The following RPL28 variants were observed in gnomAD, a reference collection of about 807,000 sequenced individuals.
RPL28 encodes the protein large ribosomal subunit protein eL28.
In RPL28, 4 loss-of-function variants were observed where a neutral mutation model predicts 12.5. That is an observed-to-expected ratio of 0.32 (90% confidence interval 0.16 to 0.73). RPL28 has a LOEUF of 0.73. Among genes scored for constraint, RPL28 ranks in the 30% least tolerant of loss-of-function variants. The pLI, the probability that RPL28 is intolerant of heterozygous loss-of-function variation, is 0.66. For synonymous variants in RPL28, 91 were observed against 72.5 expected (o/e 1.26, Z -1.30); for missense variants, 214 against 197.7 (o/e 1.08, Z -0.49).
rs764077313 is a variant in RPL28 at position 55,386,665 on chromosome 19, TGTC to T, written c.180_182del (p.Val63del). The T allele has an allele frequency of 3.7e-6, 6 of 1,613,932 alleles. No homozygotes were observed. The highest frequency in any genetic ancestry group is 2.2e-5 in the East Asian group (1 of 44,868). On this transcript the variant is annotated inframe_deletion, in exon 3 of 5. Coordinates refer to ENST00000344063, the MANE Select transcript of RPL28 (RefSeq NM_000991.5). The stretch of plus-strand genomic sequence containing the variant: ...TGGAGCCGGCAGCCGACGGCAAAGG[TGTC>T]GTGGTGGTCATTAAGCGGAGATCCG...
intron 4 of RPL28, chr19:55,402,852 C>G: frequency 1.8e-6 from 2 of 1,084,302 alleles, no homozygotes; most frequent in South Asian, 1.6e-5. Flanking sequence ...AATCCTCTCC[C>G]TCCCCATGGC....
rs1387721891 is a variant in RPL28, at chr19:55,386,419, A to G, written c.62A>G (p.Asn21Ser). 3.7e-6 allele frequency: 6 copies of G among 1,614,146 alleles called. No individual in the cohort carries two copies. The highest frequency in any genetic ancestry group is 2.2e-5 in the East Asian group (1 of 44,878). Residue 21 changes from asparagine to serine, a missense_variant, in exon 2 of 5, where the codon AAT becomes AGT. Physicochemically the swap from Asn to Ser is conservative, Grantham distance 46. Coordinates refer to ENST00000344063, the MANE Select transcript of RPL28 (RefSeq NM_000991.5). ...RNCSSFLIKR[N>S]KQTYSTEPNN... Reference sequence around the variant, plus strand: ...TGCTCCAGTTTCCTGATCAAGAGGAATAAGCAGACCTACAGCACTGTAAGT... The same window carrying G: ...TGCTCCAGTTTCCTGATCAAGAGGAGTAAGCAGACCTACAGCACTGTAAGT...
Position 55,388,932 on chromosome 19 carries a change from A to G in RPL28, c.*600A>G. The G allele has an allele frequency of 1.0e-6, 1 of 985,566 alleles. No homozygotes were observed. Among genetic ancestry groups the G allele is most frequent in the Non-Finnish European group, 1.2e-6 (1 of 830,032 alleles). 61.1% of individuals were successfully genotyped at this position (985,566 alleles called of 1,614,324 possible). ...GAGATGGCAGCCCCAGGGTACAGCC[A>G]GCAGGCATTGAGCAGCCTTAGCATT... On this transcript the variant is annotated 3_prime_UTR_variant, in exon 5 of 5. Transcript: ENST00000344063.
chr19:55,387,888 G>T (rs1164024685), intron 3 of RPL28, 42 bp from the exon 4 acceptor site: 1 of 1,526,800 alleles, frequency 6.5e-7, no homozygotes, highest in Non-Finnish European at 8.8e-7. Context: ...AAAGGTGCAG[G>T]TTAGGTGGAC....
At chr19:55,401,927 C>T (rs1023125537) in intron 4 of RPL28, among the ~76,000 whole-genome samples, 1 of 152,252 alleles carries the variant, frequency 6.6e-6, no homozygotes, top group African/African-American at 2.4e-5. Flanking sequence ...CTCCTGTCTC[C>T]CTCAGAGGCC....
intron 4 of RPL28, chr19:55,401,879 TC>T: frequency 9.1e-7 from 1 of 1,094,798 alleles, no homozygotes; most frequent in Non-Finnish European, 1.3e-6. Flanking sequence ...CAGCTGCAGA[TC>T]CAGGCCCCAC....
exon 5 of RPL28, chr19:55,403,144 G>C: frequency 1.3e-6 from 1 of 744,440 alleles, no homozygotes; most frequent in Non-Finnish European, 2.4e-6. Context: ...ACCCTTTCTG[G>C]TCTCCTGACA....
In RPL28 at chr19:55,386,391, A is replaced by C. The variant is rs752180156; in HGVS notation, c.34A>C (p.Asn12His). ...SAHLQWMVVRNCSSFLIKRNK... is the reference protein window; with the variant it reads ...SAHLQWMVVRHCSSFLIKRNK... The stretch of plus-strand genomic sequence containing the variant: ...GCATCTGCAATGGATGGTCGTGCGG[A>C]ACTGCTCCAGTTTCCTGATCAAGAG... Residue 12 changes from asparagine to histidine, a missense_variant, in exon 2 of 5, where the codon AAC becomes CAC. Coordinates refer to ENST00000344063, the MANE Select transcript of RPL28 (RefSeq NM_000991.5). The C allele has an allele frequency of 3.7e-6, 6 of 1,614,132 alleles. No homozygotes were observed. The South Asian group carries it at 5.5e-5, about 15-fold the overall frequency.
At chr19:55,398,561 T>C (rs542077381) in intron 4 of RPL28, among the ~76,000 whole-genome samples, 26 of 152,364 alleles carry the variant, frequency 1.7e-4, no homozygotes, top group African/African-American at 6.0e-4. Context: ...ACTAATGATG[T>C]TGAGTACCTT....
rs1361190267 is a variant in RPL28, at chr19:55,392,085, A to C, written c.*3753A>C. The C allele has an allele frequency of 4.0e-6, 4 of 1,001,642 alleles. No individual in the cohort carries two copies. Among genetic ancestry groups the C allele is most frequent in the Non-Finnish European group, 4.8e-6 (4 of 840,850 alleles). The allele number at this position is 1,001,642 out of a possible 1,614,324, so 62.0% of individuals were successfully genotyped here. On this transcript the variant is annotated 3_prime_UTR_variant, in exon 5 of 5. Coordinates refer to ENST00000344063, the MANE Select transcript of RPL28 (RefSeq NM_000991.5). ...CTAGAATAAAATCATCTACTTTAAAATCTTTCATTATGAAATATGCATGTG... is the reference window on the plus strand; with the variant it reads ...CTAGAATAAAATCATCTACTTTAAACTCTTTCATTATGAAATATGCATGTG...
downstream of RPL28, among the ~76,000 whole-genome samples, chr19:55,396,797 T>A (rs113897145): frequency 1.1e-3 from 159 of 149,982 alleles, no homozygotes; most frequent in African/African-American, 3.5e-3. Context: ...AGCCAGGATG[T>A]TCTCGATCTC....
chr19:55,392,743 A>G (rs2089999497), downstream of RPL28, among the ~76,000 whole-genome samples: 1 of 151,428 alleles, frequency 6.6e-6, no homozygotes, highest in East Asian at 1.9e-4. Flanking sequence ...GTTAGCCAGG[A>G]TGGTCTCGAT....
intron 3 of RPL28, chr19:55,387,099 C>T: frequency 7.2e-7 from 1 of 1,382,758 alleles, no homozygotes; most frequent in Non-Finnish European, 9.7e-7. Flanking sequence ...GGGTTGGTTG[C>T]AGCCATTTGA....
intron 4 of RPL28, chr19:55,399,687 A>G (rs1174928030): frequency 6.6e-6 from 1 of 152,184 alleles, no homozygotes; most frequent in Non-Finnish European, 1.5e-5. Flanking sequence ...CATTAGGACA[A>G]AGACTGCTCC....
At chr19:55,386,790 C>CG (rs1468517103) in intron 3 of RPL28, 97 bp downstream of exon 3, 1 of 1,610,246 alleles carries the variant, frequency 6.2e-7, no homozygotes, top group Admixed American at 1.7e-5. Context: ...TAACTGCCAT[C>CG]GCGGCGGGCA....
intron 4 of RPL28, chr19:55,399,880 G>A (rs920630396): frequency 1.3e-5 from 2 of 152,230 alleles, no homozygotes; most frequent in African/African-American, 4.8e-5. Flanking sequence ...TAAACGCAGA[G>A]CTTAAGATTT....
At position 55,389,753 on chromosome 19, in the gene RPL28, A is replaced by G. The variant is rs181844283; in HGVS notation, c.*1421A>G. ...CTTTGTCCTTCCCTTAGTTGGGTCTATTAGCTCAGATTGAGAGGTGTTGCC... is the reference window on the plus strand; with the variant it reads ...CTTTGTCCTTCCCTTAGTTGGGTCTGTTAGCTCAGATTGAGAGGTGTTGCC... On this transcript the variant is annotated 3_prime_UTR_variant, in exon 5 of 5. Coordinates refer to ENST00000344063, the MANE Select transcript of RPL28 (RefSeq NM_000991.5). 298 of 985,540 alleles carry G rather than the reference A, an allele frequency of 3.0e-4. No homozygotes were observed. The African/African-American group carries it at 4.4e-3, about 14-fold the overall frequency. The allele number at this position is 985,540 out of a possible 1,614,324, so 61.0% of individuals were successfully genotyped here. A position where few individuals can be genotyped will look rare whatever the true frequency, so the allele number is the denominator to read the frequency against.
chr19:55,402,564 G>A (rs1169908819), intron 4 of RPL28, among the ~76,000 whole-genome samples: 1 of 152,212 alleles, frequency 6.6e-6, no homozygotes, highest in South Asian at 2.1e-4. Context: ...GGGCCACTAT[G>A]ACACATACAC....
Position 55,389,325 on chromosome 19 carries a change from C to G in RPL28, c.*993C>G. The stretch of plus-strand genomic sequence containing the variant: ...AGTGAGCCCATGAGCCCCACCACTA[C>G]ACTCCAGCCTGGAAGACACCATGAC... On this transcript the variant is annotated 3_prime_UTR_variant, in exon 5 of 5. Coordinates refer to ENST00000344063, the MANE Select transcript of RPL28 (RefSeq NM_000991.5). The G allele has an allele frequency of 1.0e-6, 1 of 975,868 alleles. No homozygotes were observed. Among genetic ancestry groups the G allele is most frequent in the Non-Finnish European group, 1.2e-6 (1 of 825,174 alleles). 60.5% of individuals were successfully genotyped at this position (975,868 alleles called of 1,614,324 possible). A position where few individuals can be genotyped will look rare whatever the true frequency, so the allele number is the denominator to read the frequency against.
Sources: gnomAD v4.1 joint callset for allele counts (sites outside exome capture counted in the v4.1 genomes callset) on GRCh38, gnomAD v4.1.1 for gene constraint, MANE v1.5 for transcripts, NCBI Gene and HGNC (gene_info 2026-07-23, HGNC 2026-07-21) for gene names.